Variants in ASB4 observed in about 807,000 individuals in gnomAD.
ASB4 encodes ankyrin repeat and SOCS box protein 4.
ASB4 carries 35 observed loss-of-function variants against 38.6 expected under a neutral mutation model. That is an observed-to-expected ratio of 0.91 (90% CI 0.69 to 1.20). The LOEUF is 1.20. Among genes scored for constraint, ASB4 ranks in the 50% most tolerant of loss-of-function variants. The pLI is 0.00. For synonymous variants in ASB4, 195 were observed against 201.3 expected (o/e 0.97, Z 0.26); for missense variants, 557 against 527.2 (o/e 1.06, Z -0.55).
chr7:95,471,104 G>A, the ASB4 span, among the ~76,000 whole-genome samples: 22 of 152,076 alleles, frequency 1.4e-4, no homozygotes, highest in Middle Eastern at 3.4e-3. Context: ...CTGTCCCCTT[G>A]GCTCATTTCT....
chr7:95,516,629 A>G (rs1231274764), intron 2 of ASB4, among the ~76,000 whole-genome samples: 1 of 152,218 alleles, frequency 6.6e-6, no homozygotes, highest in South Asian at 2.1e-4. Flanking sequence ...CCTGTTTTCA[A>G]TATGGCTTAA....
At chr7:95,549,113 A>C in the ASB4 span, among the ~76,000 whole-genome samples, 3 of 152,136 alleles carry the variant, frequency 2.0e-5, no homozygotes, top group Non-Finnish European at 2.9e-5. Context: ...ATGGGATAGC[A>C]GGATGGGGAT....
chr7:95,549,894 G>A, the ASB4 span, among the ~76,000 whole-genome samples: 1 of 152,140 alleles, frequency 6.6e-6, no homozygotes, highest in African/African-American at 2.4e-5. Flanking sequence ...TGACGAGCAG[G>A]GAGTGAGTCA....
intron 2 of ASB4, among the ~76,000 whole-genome samples, chr7:95,523,907 T>C (rs1211268673): frequency 1.3e-5 from 2 of 152,202 alleles, no homozygotes; most frequent in African/African-American, 2.4e-5. Context: ...TCTAACTTCA[T>C]TGGTAATTAG....
At chr7:95,545,890 G>A in the ASB4 span, among the ~76,000 whole-genome samples, 12 of 152,162 alleles carry the variant, frequency 7.9e-5, no homozygotes, top group Non-Finnish European at 1.6e-4. Flanking sequence ...TGAGTCACAG[G>A]TGTCCCATGC....
At chr7:95,500,880 C>T (rs1342197969) in intron 2 of ASB4, among the ~76,000 whole-genome samples, 1 of 152,156 alleles carries the variant, frequency 6.6e-6, no homozygotes, top group Non-Finnish European at 1.5e-5. Flanking sequence ...TTGTGCTCTT[C>T]TTCGCTTTTG....
intron 2 of ASB4, among the ~76,000 whole-genome samples, chr7:95,513,461 G>A (rs549942242): frequency 1.3e-5 from 2 of 151,990 alleles, no homozygotes; most frequent in South Asian, 4.2e-4. Flanking sequence ...TGTTGCCAGA[G>A]CCCTTCCTTG....
At chr7:95,505,692 C>T (rs113967857) in intron 2 of ASB4, among the ~76,000 whole-genome samples, 1 of 143,072 alleles carries the variant, frequency 7.0e-6, no homozygotes, top group African/African-American at 2.5e-5. Context: ...CGTGTCCCCC[C>T]CCCCCCAAAT....
At chr7:95,493,571 T>C (rs553574186) in intron 1 of ASB4, among the ~76,000 whole-genome samples, 1 of 152,306 alleles carries the variant, frequency 6.6e-6, no homozygotes, top group African/African-American at 2.4e-5. Context: ...TTTGATTTTA[T>C]TTATTTTTGT....
At chr7:95,500,273 A>C (rs1249795350) in intron 2 of ASB4, among the ~76,000 whole-genome samples, 1 of 152,108 alleles carries the variant, frequency 6.6e-6, no homozygotes, top group Non-Finnish European at 1.5e-5. Context: ...GACTTATAAA[A>C]GATGCCATGT....
intron 1 of ASB4, among the ~76,000 whole-genome samples, chr7:95,494,276 C>T (rs964726824): frequency 4.6e-5 from 7 of 152,266 alleles, no homozygotes; most frequent in Admixed American, 3.9e-4. Context: ...CAGCAGTCAT[C>T]GTAATATTCT....
intron 2 of ASB4, among the ~76,000 whole-genome samples, chr7:95,509,828 C>A (rs1020224058): frequency 1.3e-5 from 2 of 152,136 alleles, no homozygotes; most frequent in African/African-American, 4.8e-5. Context: ...GCACATTATT[C>A]TCCTTATTTA....
chr7:95,511,140 T>A (rs532974954), intron 2 of ASB4, among the ~76,000 whole-genome samples: 10 of 152,138 alleles, frequency 6.6e-5, no homozygotes, highest in Non-Finnish European at 1.5e-4. Context: ...ATGCTAAGAA[T>A]CAAGCACATG....
chr7:95,528,510 G>C, intron 3 of ASB4: 1 of 1,429,456 alleles, frequency 7.0e-7, no homozygotes, highest in African/African-American at 1.4e-5. Flanking sequence ...GTGAGAGCTA[G>C]AATGAGAAAA....
At chr7:95,540,739 T>C (rs1398017702), downstream of ASB4, among the ~76,000 whole-genome samples, 1 of 152,246 alleles carries the variant, frequency 6.6e-6, no homozygotes, top group Non-Finnish European at 1.5e-5. Context: ...TTGTTTTCTC[T>C]CCTTCTTAGG....
chr7:95,533,297 T>C (rs1790844147), intron 3 of ASB4, among the ~76,000 whole-genome samples: 2 of 152,168 alleles, frequency 1.3e-5, no homozygotes, highest in African/African-American at 4.8e-5. Context: ...GATATTCTGA[T>C]CTCTGATTGT....
Position 95,523,630 on chromosome 7 carries a change from CTT to C in ASB4, c.488-4182_488-4181del, listed in dbSNP as rs143829781. On this transcript the variant is annotated intron_variant, in intron 2 of 4. Coordinates refer to ENST00000325885, the MANE Select transcript of ASB4 (RefSeq NM_016116.3). ...CTTTTGGTAGTTATTAATAAAGACT[CTT>C]AACATAGTTCAAATGTTTCAGCTTA... is the stretch of plus-strand genomic sequence containing the variant. Among the ~76,000 whole-genome samples the C allele has an allele frequency of 1.3e-3, 197 of 152,194 alleles. 2 individuals carry two copies. Among genetic ancestry groups the C allele is most frequent in the African/African-American group, 4.4e-3 (182 of 41,526 alleles).
intron 2 of ASB4, among the ~76,000 whole-genome samples, chr7:95,498,716 T>C (rs1003772028): frequency 9.2e-5 from 14 of 152,298 alleles, no homozygotes; most frequent in South Asian, 2.1e-4. Flanking sequence ...AATTTACCAA[T>C]TTTTTTCCTC....
chr7:95,510,272 G>A lies in ASB4; in HGVS notation c.487+14215G>A, dbSNP rs1401268414. Among the ~76,000 whole-genome samples the A allele has an allele frequency of 1.5e-4, 23 of 152,156 alleles. 1 individual carries two copies. On this transcript the variant is annotated intron_variant, in intron 2 of 4. Coordinates refer to ENST00000325885, the MANE Select transcript of ASB4 (RefSeq NM_016116.3). The stretch of plus-strand genomic sequence containing the variant: ...TCGTTTTCTAACATGAAGAATTGGA[G>A]TTGCAAAGCACACTCTCAACACAGA...
Sources: allele counts gnomAD v4.1 joint callset (sites outside exome capture counted in the v4.1 genomes callset), GRCh38; gene constraint gnomAD v4.1.1; transcripts MANE v1.5; gene names NCBI Gene and HGNC (gene_info 2026-07-23, HGNC 2026-07-21).